ELMOD1: variants seen among roughly 807,000 people sequenced by gnomAD.
ELMOD1 encodes ELMO domain containing 1, also known as ELMO domain-containing protein 1.
A neutral mutation model predicts 46.7 loss-of-function variants in ELMOD1; 21 were observed. That is an observed-to-expected ratio of 0.45 (90% CI 0.32 to 0.65). ELMOD1 has a LOEUF of 0.65. ELMOD1 is among the 30% of genes least tolerant of loss of function. The pLI, the probability that ELMOD1 is intolerant of heterozygous loss-of-function variation, is 0.04. For synonymous variants in ELMOD1, 122 were observed against 138.2 expected, an observed-to-expected ratio of 0.88 and a Z score of 0.82; for missense variants, 348 against 407.8, an observed-to-expected ratio of 0.85 and a Z score of 1.26.
intron 1 of ELMOD1, among the ~76,000 whole-genome samples, chr11:107,609,639 G>A (rs1479209434): frequency 6.6e-6 from 1 of 152,138 alleles, no homozygotes; most frequent in East Asian, 1.9e-4. Flanking sequence ...CTTGATGCCG[G>A]GCGAGAGGAT....
At chr11:107,646,980 AT>A (rs1866440406) in intron 6 of ELMOD1, among the ~76,000 whole-genome samples, 10 of 151,504 alleles carry the variant, frequency 6.6e-5, no homozygotes, top group Admixed American at 1.3e-4. Flanking sequence ...CTATCTATCT[AT>A]CTATCTACCT....
chr11:107,616,981 T>C (rs917666944), intron 1 of ELMOD1, among the ~76,000 whole-genome samples: 1 of 152,140 alleles, frequency 6.6e-6, no homozygotes, highest in Admixed American at 6.5e-5. Flanking sequence ...AACACAAAAG[T>C]ACAAAGGATA....
rs1865381768 is a variant in ELMOD1 at position 107,591,240 on chromosome 11, C to T, written c.-255C>T. The stretch of plus-strand genomic sequence containing the variant: ...CTGCCCCGCCCCCGCCCCTTCCGCG[C>T]CCGCAGCCAGTGCGGCAGCCGCGGC... On this transcript the variant is annotated 5_prime_UTR_variant, in exon 1 of 12. Coordinates refer to ENST00000265840, the MANE Select transcript of ELMOD1 (RefSeq NM_018712.4). The T allele has an allele frequency of 6.6e-6, 1 of 152,230 alleles. No homozygotes were observed. The highest frequency in any genetic ancestry group is 2.4e-5 in the African/African-American group (1 of 41,426). 9.4% of individuals were successfully genotyped at this position (152,230 alleles called of 1,614,324 possible).
At chr11:107,603,000 T>A (rs1485394155) in intron 1 of ELMOD1, among the ~76,000 whole-genome samples, 1 of 152,212 alleles carries the variant, frequency 6.6e-6, no homozygotes, top group Non-Finnish European at 1.5e-5. Context: ...TGGCTGCCTC[T>A]GTTCTGGGAG....
intron 1 of ELMOD1, among the ~76,000 whole-genome samples, chr11:107,599,740 C>CAACAAAAAA (rs1865559087): frequency 1.1e-5 from 1 of 91,244 alleles, no homozygotes; most frequent in Non-Finnish European, 2.1e-5. Flanking sequence ...AGACCTGTCT[C>CAACAAAAAA]AAAAAAAAAA....
chr11:107,608,035 A>G (rs1413540284), intron 1 of ELMOD1, among the ~76,000 whole-genome samples: 2 of 142,716 alleles, frequency 1.4e-5, no homozygotes, highest in Admixed American at 6.8e-5. Context: ...AAAAAAAAAG[A>G]AAAAAAAAAG....
rs1460188233 is a variant in ELMOD1 at position 107,666,049 on chromosome 11, T to A, written c.*852T>A. 1 of 152,084 alleles carries A rather than the reference T, an allele frequency of 6.6e-6. No homozygotes were observed. The highest frequency in any genetic ancestry group is 2.4e-5 in the African/African-American group (1 of 41,404). 9.4% of individuals were successfully genotyped at this position (152,084 alleles called of 1,614,324 possible). A position where few individuals can be genotyped will look rare whatever the true frequency, so the allele number is the denominator to read the frequency against. ...CAGACAGACACATGATAAGCCAAAC[T>A]GTTCCTGCAAACATAGCTATGCTTC... is the stretch of plus-strand genomic sequence containing the variant. On this transcript the variant is annotated 3_prime_UTR_variant, in exon 12 of 12. Transcript: ENST00000265840.
intron 5 of ELMOD1, among the ~76,000 whole-genome samples, chr11:107,633,196 T>C (rs1866170491): frequency 1.3e-5 from 2 of 151,984 alleles, no homozygotes; most frequent in South Asian, 4.2e-4. Context: ...ACCTGTAGTA[T>C]TTTTTTTAAA....
chr11:107,618,382 C>T (rs1865895131), intron 2 of ELMOD1, among the ~76,000 whole-genome samples, 176 bp downstream of exon 2: 1 of 152,116 alleles, frequency 6.6e-6, no homozygotes, highest in Non-Finnish European at 1.5e-5. Flanking sequence ...TCTGCTAACT[C>T]TATATGCGTG....
At chr11:107,659,279 GC>G (rs879783404) in intron 11 of ELMOD1, among the ~76,000 whole-genome samples, 2 of 152,098 alleles carry the variant, frequency 1.3e-5, no homozygotes, top group Non-Finnish European at 2.9e-5. Flanking sequence ...CCTTATACTT[GC>G]CCTGTTCTGT....
rs934385606 is a variant in ELMOD1, at chr11:107,635,672, C to T, written c.327C>T (p.Ile109=). ...GISLQACLLQ[I]VGYRNLIADV... is the part of the protein sequence containing the mutation. The stretch of plus-strand genomic sequence containing the variant: ...CTCTTCAGGCTTGCCTTCTGCAAAT[C>T]GTTGGGTACAGGAACCTTATTGCAG... Residue 109 remains isoleucine (I), a synonymous_variant, in exon 6 of 12, where the codon ATC becomes ATT. Coordinates refer to ENST00000265840, the MANE Select transcript of ELMOD1 (RefSeq NM_018712.4). 2 of 1,613,630 alleles carry T rather than the reference C, an allele frequency of 1.2e-6. No homozygotes were observed. The highest frequency in any genetic ancestry group is 2.7e-5 in the African/African-American group (2 of 74,910).
Position 107,665,033 on chromosome 11 carries a change from A to G in ELMOD1, c.841A>G (p.Met281Val). Residue 281 changes from methionine to valine, a missense_variant, in exon 12 of 12, where the codon ATG (methionine) becomes GTG (valine). Met to Val is a conservative substitution (Grantham distance 21, BLOSUM62 1). Transcript: ENST00000265840. ...SHFQQTFCYL[M>V]HEFHKFWIEE... ...TGTATTGTCTCCAACAGGCTATTTG[A>G]TGCATGAATTTCATAAGTTTTGGAT... is the stretch of plus-strand genomic sequence containing the variant. 2 of 1,612,834 alleles carry G rather than the reference A, an allele frequency of 1.2e-6. No individual in the cohort carries two copies. Among genetic ancestry groups the G allele is most frequent in the Admixed American group, 1.7e-5 (1 of 59,924 alleles).
intron 1 of ELMOD1, among the ~76,000 whole-genome samples, chr11:107,599,762 A>G (rs1865563051): frequency 1.3e-5 from 2 of 149,950 alleles, no homozygotes; most frequent in Non-Finnish European, 3.0e-5. Flanking sequence ...GAAAAAAAGA[A>G]AAGAAAAAAA....
intron 11 of ELMOD1, among the ~76,000 whole-genome samples, chr11:107,664,668 C>T (rs932734443): frequency 9.2e-5 from 14 of 152,048 alleles, no homozygotes; most frequent in South Asian, 2.1e-4. Flanking sequence ...AAAGTTGGAC[C>T]GTCACATTAA....
intron 5 of ELMOD1, 135 bp from the exon 6 acceptor site, chr11:107,635,501 A>G (rs1866213258): frequency 1.1e-6 from 1 of 888,980 alleles, no homozygotes; most frequent in Non-Finnish European, 1.6e-6. Flanking sequence ...CTTCTATTAA[A>G]TAGATCATCT....
intron 11 of ELMOD1, among the ~76,000 whole-genome samples, chr11:107,662,898 A>AT (rs899096710): frequency 8.7e-5 from 13 of 149,074 alleles, no homozygotes; most frequent in Non-Finnish European, 1.3e-4. Flanking sequence ...CTCAAAAAAA[A>AT]TTTTTTTTTT....
intron 9 of ELMOD1, among the ~76,000 whole-genome samples, chr11:107,651,590 G>T (rs1362222024): frequency 6.6e-6 from 1 of 151,934 alleles, no homozygotes; most frequent in African/African-American, 2.4e-5. Context: ...TATTTTATAC[G>T]ATTAAAAATT....
At chr11:107,597,996 C>T (rs1000404271) in intron 1 of ELMOD1, among the ~76,000 whole-genome samples, 1 of 152,156 alleles carries the variant, frequency 6.6e-6, no homozygotes, top group African/African-American at 2.4e-5. Flanking sequence ...TGAGTGTACT[C>T]TACGTGTACT....
At chr11:107,615,469 G>A (rs546538244) in intron 1 of ELMOD1, among the ~76,000 whole-genome samples, 329 of 151,942 alleles carry the variant, frequency 2.2e-3, no homozygotes, top group Non-Finnish European at 2.3e-3. Context: ...TCCTCACCTC[G>A]TGATCCACCC....
Sources: gnomAD v4.1 joint callset for allele counts (sites outside exome capture counted in the v4.1 genomes callset) on GRCh38, gnomAD v4.1.1 for gene constraint, MANE v1.5 for transcripts, NCBI Gene and HGNC (gene_info 2026-07-23, HGNC 2026-07-21) for gene names.